The following PKIB variants were observed in gnomAD, a reference collection of about 807,000 sequenced individuals.
The protein encoded by PKIB is cAMP-dependent protein kinase inhibitor beta.
A neutral mutation model predicts 4.5 loss-of-function variants in PKIB; 2 were observed. The ratio of observed to expected loss-of-function variants is 0.44; its 90% CI spans 0.18 to 1.39. PKIB has a LOEUF of 1.39. Among genes scored for constraint, PKIB ranks in the 40% most tolerant of loss-of-function variants. PKIB has a pLI of 0.27. For synonymous variants in PKIB, 38 were observed against 36.0 expected (o/e 1.06, Z -0.20); for missense variants, 94 against 92.6 (o/e 1.02, Z -0.06).
intron 2 of PKIB, among the ~76,000 whole-genome samples, chr6:122,510,568 G>A (rs931126505): frequency 1.3e-5 from 2 of 152,162 alleles, no homozygotes; most frequent in East Asian, 3.9e-4. Flanking sequence ...ATGGGAGCTC[G>A]GGTTGTAAGG....
chr6:122,715,649 G>GTATATATATATATA (rs138034261), intron 3 of PKIB, among the ~76,000 whole-genome samples: 129 of 146,842 alleles, frequency 8.8e-4, no homozygotes, highest in African/African-American at 2.5e-3. Context: ...GGTATTTTAT[G>GTATATATATATATA]TATATATATA....
chr6:122,567,875 C>G (rs1045100349), intron 2 of PKIB, among the ~76,000 whole-genome samples: 10 of 152,086 alleles, frequency 6.6e-5, no homozygotes, highest in African/African-American at 2.4e-4. Context: ...TTAGGAATGT[C>G]ATTGGGAGGG....
chr6:122,473,783 A>G (rs772037876), intron 1 of PKIB, among the ~76,000 whole-genome samples: 5 of 152,222 alleles, frequency 3.3e-5, no homozygotes, highest in Non-Finnish European at 2.9e-5. Context: ...CCTGTAGCAC[A>G]CGTATAACTT....
chr6:122,694,861 G>A (rs534337027), intron 3 of PKIB, among the ~76,000 whole-genome samples: 1 of 152,268 alleles, frequency 6.6e-6, no homozygotes, highest in African/African-American at 2.4e-5. Context: ...AAGCTTTCAA[G>A]GGGAAAGTCC....
intron 2 of PKIB, among the ~76,000 whole-genome samples, chr6:122,539,145 C>A (rs1777504952): frequency 6.6e-6 from 1 of 152,038 alleles, no homozygotes; most frequent in African/African-American, 2.4e-5. Context: ...AATTTGACTT[C>A]CTATTTTCCT....
rs1775140768 is a variant in PKIB, at chr6:122,619,619, A to G, written c.-161+9084A>G. ...CCCTTCATCCACATCTGCCACTCAC[A>G]ACCTGAGCCCTAGAAGGAAAAAAAT... On this transcript the variant is annotated intron_variant, in intron 1 of 4. Coordinates refer to ENST00000368452, the MANE Select transcript of PKIB (RefSeq NM_181795.3). Among the ~76,000 whole-genome samples the G allele has an allele frequency of 1.3e-5, 2 of 152,126 alleles. 1 individual carries two copies. The highest frequency in any genetic ancestry group is 4.1e-4 in the South Asian group (2 of 4,832).
At chr6:122,713,352 C>T (rs1779348414) in intron 3 of PKIB, among the ~76,000 whole-genome samples, 1 of 152,048 alleles carries the variant, frequency 6.6e-6, no homozygotes, top group Non-Finnish European at 1.5e-5. Context: ...GAGTCAGCTG[C>T]CTTGGTTGGC....
chr6:122,517,103 G>A (rs763718416), intron 2 of PKIB, among the ~76,000 whole-genome samples: 1 of 152,016 alleles, frequency 6.6e-6, no homozygotes, highest in Non-Finnish European at 1.5e-5. Context: ...TTATGTTTCT[G>A]TTTTTTTGTT....
upstream of PKIB, among the ~76,000 whole-genome samples, chr6:122,609,933 C>A (rs148242023): frequency 6.6e-6 from 1 of 152,288 alleles, no homozygotes; most frequent in African/African-American, 2.4e-5. Context: ...TGTGTACCTT[C>A]CTACCTTCTC....
rs66707245 is a variant in PKIB, at chr6:122,677,842, T to TCTTCCTTCCTTC, written c.-9+2738_-9+2749dup. ...GCAACTTGTGAAACCAGCTTTCTTT[T>TCTTCCTTCCTTC]CTTCCTTCCTTCCTTCCTTCCTTCC... On this transcript the variant is annotated intron_variant, in intron 3 of 4. Coordinates refer to ENST00000368452, the MANE Select transcript of PKIB (RefSeq NM_181795.3). Among the ~76,000 whole-genome samples the TCTTCCTTCCTTC allele has an allele frequency of 4.5e-4, 63 of 141,208 alleles. 1 individual carries two copies. The highest frequency in any genetic ancestry group is 1.6e-3 in the African/African-American group (59 of 37,880). 92.6% of individuals were successfully genotyped at this position (141,208 alleles called of 152,430 possible).
At chr6:122,479,471 A>G (rs1562222710) in intron 2 of PKIB, 1 of 152,152 alleles carries the variant, frequency 6.6e-6, no homozygotes, top group South Asian at 2.1e-4. Context: ...AGAACTCAAA[A>G]TTTTCTTTTT....
chr6:122,591,221 C>T (rs935749723), intron 3 of PKIB, among the ~76,000 whole-genome samples: 1 of 133,552 alleles, frequency 7.5e-6, no homozygotes, highest in Non-Finnish European at 1.6e-5. Flanking sequence ...CACACACACC[C>T]CCCACATACA....
At chr6:122,546,381 A>G (rs1582690328) in intron 2 of PKIB, among the ~76,000 whole-genome samples, 1 of 134,134 alleles carries the variant, frequency 7.5e-6, no homozygotes, top group Non-Finnish European at 1.6e-5. Context: ...TCCAAAACAC[A>G]TGGGATGAGG....
In PKIB at chr6:122,626,073, T is replaced by TATAGATAGATAGATAGATAG. The variant is rs61494727; in HGVS notation, c.-160-7204_-160-7185dup. On this transcript the variant is annotated intron_variant, in intron 1 of 4. Transcript: ENST00000368452. ...GACAGAGAGAGATCCAATTTCAAAA[T>TATAGATAGATAGATAGATAG]ATAGATAGATAGATAGATAGATAGA... 6.6e-5 allele frequency among the ~76,000 whole-genome samples: 10 copies of TATAGATAGATAGATAGATAG among 151,096 alleles called. No homozygotes were observed. The East Asian group carries it at 1.4e-3, about 21-fold the overall frequency.
intron 2 of PKIB, among the ~76,000 whole-genome samples, chr6:122,646,140 G>T (rs1776307792): frequency 6.6e-6 from 1 of 152,172 alleles, no homozygotes; most frequent in African/African-American, 2.4e-5. Context: ...TAAGAAGAAA[G>T]TATAAAATGA....
chr6:122,722,666 T>G (rs1029686039), intron 4 of PKIB, among the ~76,000 whole-genome samples: 3 of 152,214 alleles, frequency 2.0e-5, no homozygotes, highest in Non-Finnish European at 4.4e-5. Flanking sequence ...CTAAGGGATT[T>G]CTTTCAATAA....
chr6:122,551,874 C>CTTTTTTTTTTTTTT (rs61025863), intron 2 of PKIB, among the ~76,000 whole-genome samples: 1 of 87,520 alleles, frequency 1.1e-5, no homozygotes, highest in African/African-American at 4.3e-5. Flanking sequence ...CTTAGTACAT[C>CTTTTTTTTTTTTTT]TTTTTTTTTT....
intron 2 of PKIB, among the ~76,000 whole-genome samples, chr6:122,541,485 T>C (rs1387363799): frequency 6.6e-6 from 1 of 152,030 alleles, no homozygotes; most frequent in Non-Finnish European, 1.5e-5. Flanking sequence ...GAAAATTCTG[T>C]TCTTTAAGAA....
intron 2 of PKIB, among the ~76,000 whole-genome samples, chr6:122,658,374 A>G (rs1465141048): frequency 6.6e-6 from 1 of 152,152 alleles, no homozygotes; most frequent in Non-Finnish European, 1.5e-5. Context: ...TGATACAATT[A>G]TTGGCTACAT....
Sources: gnomAD v4.1 joint callset for allele counts (sites outside exome capture counted in the v4.1 genomes callset) on GRCh38, gnomAD v4.1.1 for gene constraint, MANE v1.5 for transcripts, NCBI Gene and HGNC (gene_info 2026-07-23, HGNC 2026-07-21) for gene names.